ATP8B4: variants seen among roughly 807,000 people sequenced by gnomAD.
ATP8B4 encodes the protein ATPase phospholipid transporting 8B4 (putative).
In ATP8B4, 133 loss-of-function variants were observed where a neutral mutation model predicts 145.6. The observed-to-expected ratio is 0.91, with a 90% CI of 0.79 to 1.05. ATP8B4 has a LOEUF of 1.05. Among genes scored for constraint, ATP8B4 ranks in the 50% least tolerant of loss-of-function variants. The pLI, the probability that ATP8B4 is intolerant of heterozygous loss-of-function variation, is 0.00. For synonymous variants in ATP8B4, 507 were observed against 492.9 expected, an observed-to-expected ratio of 1.03 and a Z score of -0.38; for missense variants, 1,458 against 1,425.2, an observed-to-expected ratio of 1.02 and a Z score of -0.37.
At chr15:49,947,103 G>T (rs2042628802) in intron 14 of ATP8B4, among the ~76,000 whole-genome samples, 1 of 152,138 alleles carries the variant, frequency 6.6e-6, no homozygotes, top group African/African-American at 2.4e-5. Context: ...AGTTTGAGCT[G>T]GGGGCTCTCA....
At chr15:50,004,135 C>T (rs2048125347) in intron 7 of ATP8B4, among the ~76,000 whole-genome samples, 1 of 152,196 alleles carries the variant, frequency 6.6e-6, no homozygotes, top group African/African-American at 2.4e-5. Context: ...TCCCTTCATC[C>T]ATCCTCCCTT....
chr15:50,029,832 G>C (rs1482743194), intron 6 of ATP8B4, among the ~76,000 whole-genome samples: 1 of 152,172 alleles, frequency 6.6e-6, no homozygotes, highest in African/African-American at 2.4e-5. Context: ...TCTATGTTTT[G>C]TTTGTACTCT....
At chr15:50,040,948 C>T (rs549528475) in intron 5 of ATP8B4, among the ~76,000 whole-genome samples, 17 of 152,290 alleles carry the variant, frequency 1.1e-4, no homozygotes, top group African/African-American at 3.8e-4. Flanking sequence ...TTTCTGTCTT[C>T]CCAACAGCTC....
chr15:50,039,710 C>A (rs573252463), intron 5 of ATP8B4, among the ~76,000 whole-genome samples: 2 of 151,592 alleles, frequency 1.3e-5, no homozygotes, highest in East Asian at 3.9e-4. Context: ...CTTTAATCAT[C>A]AGAATGTTTT....
At chr15:49,876,970 A>C (rs567749363) in intron 24 of ATP8B4, among the ~76,000 whole-genome samples, 290 of 152,332 alleles carry the variant, frequency 1.9e-3, no homozygotes, top group Non-Finnish European at 3.3e-3. Flanking sequence ...AGAGCTGTGG[A>C]GTCAGAATTG....
At chr15:50,125,151 C>G (rs1348561722) in intron 1 of ATP8B4, among the ~76,000 whole-genome samples, 1 of 152,114 alleles carries the variant, frequency 6.6e-6, no homozygotes, top group Non-Finnish European at 1.5e-5. Context: ...AGGGCATTTA[C>G]AAGAAAGGAG....
intron 6 of ATP8B4, 108 bp downstream of exon 6, chr15:50,038,660 A>G (rs1469295251): frequency 1.2e-6 from 1 of 809,596 alleles, no homozygotes; most frequent in African/African-American, 1.8e-5. Flanking sequence ...AATAAATTAA[A>G]GGGAAAAAAG....
chr15:49,889,502 A>G (rs1011845882), intron 23 of ATP8B4, among the ~76,000 whole-genome samples: 1 of 152,230 alleles, frequency 6.6e-6, no homozygotes, highest in Non-Finnish European at 1.5e-5. Context: ...TAACCAGAGG[A>G]AAGTCCATAA....
chr15:50,181,041 A>C (rs539282734), intron 1 of ATP8B4, among the ~76,000 whole-genome samples: 1 of 152,148 alleles, frequency 6.6e-6, no homozygotes, highest in African/African-American at 2.4e-5. Flanking sequence ...AAACCCACGA[A>C]TTACTTACCG....
intron 1 of ATP8B4, among the ~76,000 whole-genome samples, chr15:50,162,180 T>A (rs891660616): frequency 2.2e-4 from 33 of 152,216 alleles, no homozygotes; most frequent in East Asian, 1.9e-4. Context: ...TATGCTTCTT[T>A]TCTCTTGCTG....
At chr15:49,919,819 T>C (rs2040096264) in intron 18 of ATP8B4, among the ~76,000 whole-genome samples, 1 of 152,200 alleles carries the variant, frequency 6.6e-6, no homozygotes, top group East Asian at 1.9e-4. Flanking sequence ...GTTTTTAGAA[T>C]AGACCATGCT....
intron 1 of ATP8B4, among the ~76,000 whole-genome samples, chr15:50,155,029 T>C (rs1266055559): frequency 6.6e-6 from 1 of 152,148 alleles, no homozygotes; most frequent in African/African-American, 2.4e-5. Flanking sequence ...CTTGTTTACA[T>C]TACCTACTTT....
chr15:50,022,046 T>A (rs189365531), intron 6 of ATP8B4, among the ~76,000 whole-genome samples: 104 of 152,102 alleles, frequency 6.8e-4, no homozygotes, highest in African/African-American at 2.4e-3. Flanking sequence ...GCAAAGGATA[T>A]CAGTTTAGAC....
At chr15:50,115,329 T>C (rs1327206205) in intron 1 of ATP8B4, among the ~76,000 whole-genome samples, 1 of 151,854 alleles carries the variant, frequency 6.6e-6, no homozygotes. Flanking sequence ...CAGAAGACCC[T>C]GTCTCAAAAT....
chr15:49,951,083 C>A (rs1159601895), intron 14 of ATP8B4, among the ~76,000 whole-genome samples: 1 of 151,980 alleles, frequency 6.6e-6, no homozygotes, highest in African/African-American at 2.4e-5. Context: ...GATTTCAGTT[C>A]TTTTGCATTT....
At chr15:49,919,825 A>G (rs2040096878) in intron 18 of ATP8B4, among the ~76,000 whole-genome samples, 1 of 152,196 alleles carries the variant, frequency 6.6e-6, no homozygotes. Context: ...AGAATAGACC[A>G]TGCTCTGGAT....
At position 49,862,935 on chromosome 15, in the gene ATP8B4, C is replaced by A. The variant is rs998024164; in HGVS notation, c.3167-560G>T. On this transcript the variant is annotated intron_variant, in intron 26 of 27. Transcript: ENST00000284509. ...AATATCACTCACGGAGCACAATTCT[C>A]TCTTCCAGCATCAAGATCTTGTGGT... 3.9e-5 allele frequency among the ~76,000 whole-genome samples: 6 copies of A among 152,328 alleles called. No homozygotes were observed. The East Asian group carries it at 9.7e-4, about 25-fold the overall frequency.
At chr15:49,903,263 T>A (rs1257783754) in intron 20 of ATP8B4, among the ~76,000 whole-genome samples, 2 of 152,252 alleles carry the variant, frequency 1.3e-5, no homozygotes, top group Non-Finnish European at 2.9e-5. Context: ...GGGAAAAAGC[T>A]ACACATAACT....
At chr15:49,938,277 C>T (rs549420251) in intron 14 of ATP8B4, among the ~76,000 whole-genome samples, 3 of 152,156 alleles carry the variant, frequency 2.0e-5, no homozygotes, top group South Asian at 2.1e-4. Context: ...GTCAAAACTG[C>T]CCATATCAAT....
Sources: allele counts gnomAD v4.1 joint callset (sites outside exome capture counted in the v4.1 genomes callset), GRCh38; gene constraint gnomAD v4.1.1; transcripts MANE v1.5; gene names NCBI Gene and HGNC (gene_info 2026-07-23, HGNC 2026-07-21).